TACR1: variants seen among roughly 807,000 people sequenced by gnomAD.
TACR1 encodes substance-P receptor.
A neutral mutation model predicts 35.8 loss-of-function variants in TACR1; 25 were observed. The ratio of observed to expected loss-of-function variants is 0.70; its 90% CI spans 0.51 to 0.98. The LOEUF (loss-of-function observed/expected upper bound fraction) is 0.98, where lower values mean the gene tolerates loss of function less well. Ranked by LOEUF, TACR1 falls within the 50% of genes least tolerant of loss-of-function variation. The probability of loss-of-function intolerance (pLI) is 0.00; values close to 1 mark genes in which losing one functional copy is unlikely to be tolerated. For missense variants in TACR1, 478 were observed against 522.9 expected (o/e 0.91, Z 0.84); for synonymous variants, 195 against 206.7 (o/e 0.94, Z 0.48).
intron 1 of TACR1, chr2:75,187,228 A>G (rs932490281): frequency 6.6e-6 from 1 of 152,258 alleles, no homozygotes; most frequent in Non-Finnish European, 1.5e-5. Flanking sequence ...CAAAACAATT[A>G]GTGACTTATA....
intron 1 of TACR1, among the ~76,000 whole-genome samples, chr2:75,190,536 C>T (rs981259241): frequency 6.6e-6 from 1 of 152,172 alleles, no homozygotes; most frequent in African/African-American, 2.4e-5. Context: ...CAAGAATGGA[C>T]ACGTATAATG....
chr2:75,153,969 C>T (rs1225944242), intron 1 of TACR1, among the ~76,000 whole-genome samples: 2 of 152,138 alleles, frequency 1.3e-5, no homozygotes, highest in Admixed American at 6.5e-5. Context: ...GAGGTCTCTC[C>T]ATGAGGCCAT....
chr2:75,097,685 A>G (rs995431816), intron 2 of TACR1, among the ~76,000 whole-genome samples: 2 of 152,136 alleles, frequency 1.3e-5, no homozygotes, highest in Non-Finnish European at 2.9e-5. Flanking sequence ...GGGTCACCCA[A>G]ACTTGAGGCA....
chr2:75,123,086 C>CG (rs1240503894), intron 1 of TACR1, among the ~76,000 whole-genome samples: 1 of 148,898 alleles, frequency 6.7e-6, no homozygotes, highest in Non-Finnish European at 1.5e-5. Context: ...GGGCTGGACC[C>CG]AGATGGTCAT....
intron 1 of TACR1, among the ~76,000 whole-genome samples, chr2:75,174,808 T>C (rs1675373779): frequency 6.6e-6 from 1 of 152,184 alleles, no homozygotes; most frequent in Non-Finnish European, 1.5e-5. Context: ...GGTTGGGGAT[T>C]TCATTAAAGA....
Position 75,198,945 on chromosome 2 carries a change from G to C in TACR1, c.-11C>G. On this transcript the variant is annotated 5_prime_UTR_variant, in exon 1 of 5. Transcript: ENST00000305249. ...GAGGACGTTATCCATTTCGAAGCTA[G>C]GCGGTAAAGCCCTACTATCTGTACA... 1 of 1,611,672 alleles carries C rather than the reference G, an allele frequency of 6.2e-7. No individual in the cohort carries two copies. The highest frequency in any genetic ancestry group is 8.5e-7 in the Non-Finnish European group (1 of 1,179,406).
At chr2:75,136,734 C>CA (rs1313361937) in intron 1 of TACR1, among the ~76,000 whole-genome samples, 1 of 152,132 alleles carries the variant, frequency 6.6e-6, no homozygotes, top group African/African-American at 2.4e-5. Flanking sequence ...TCAAATAAGA[C>CA]AAAAGTTAAG....
intron 1 of TACR1, among the ~76,000 whole-genome samples, chr2:75,171,488 C>T (rs1463087085): frequency 2.6e-5 from 4 of 152,188 alleles, no homozygotes; most frequent in Admixed American, 6.5e-5. Flanking sequence ...CACTGGGGCA[C>T]TGCCTAGTGG....
chr2:75,073,113 A>G (rs1558543484), intron 2 of TACR1, among the ~76,000 whole-genome samples: 2 of 152,230 alleles, frequency 1.3e-5, no homozygotes, highest in Non-Finnish European at 2.9e-5. Context: ...ACTCACAGGA[A>G]TAGGGACCCG....
intron 2 of TACR1, among the ~76,000 whole-genome samples, chr2:75,086,668 A>G (rs1307554776): frequency 6.6e-6 from 1 of 152,150 alleles, no homozygotes; most frequent in Non-Finnish European, 1.5e-5. Flanking sequence ...AGTGTAGGGG[A>G]AGGATGGATA....
In TACR1 at chr2:75,160,053, G is replaced by A. The variant is rs893283672; in HGVS notation, c.389+38493C>T. On this transcript the variant is annotated intron_variant, in intron 1 of 4. Coordinates refer to ENST00000305249, the MANE Select transcript of TACR1 (RefSeq NM_001058.4). ...CAAGACTTTAAGACAGCAAAAGATG[G>A]GCTGGAAAGTAAGAATATCAAACAA... 5.3e-5 allele frequency among the ~76,000 whole-genome samples: 8 copies of A among 152,048 alleles called. No individual in the cohort carries two copies. The East Asian group carries it at 1.5e-3, about 29-fold the overall frequency.
At chr2:75,062,636 T>G (rs1368929409) in intron 2 of TACR1, among the ~76,000 whole-genome samples, 1 of 152,226 alleles carries the variant, frequency 6.6e-6, no homozygotes, top group African/African-American at 2.4e-5. Flanking sequence ...CAAATATGTG[T>G]TGTTGCTCCC....
At chr2:75,105,817 A>G (rs762344507) in intron 2 of TACR1, among the ~76,000 whole-genome samples, 44 of 151,942 alleles carry the variant, frequency 2.9e-4, no homozygotes, top group Non-Finnish European at 1.8e-4. Context: ...AAAAATTCCA[A>G]CTGAGGGATC....
chr2:75,184,062 G>A (rs1675624519), intron 1 of TACR1, among the ~76,000 whole-genome samples: 1 of 152,134 alleles, frequency 6.6e-6, no homozygotes. Flanking sequence ...TAAAGCTTAT[G>A]TAAGTTGTAT....
intron 2 of TACR1, among the ~76,000 whole-genome samples, chr2:75,074,628 T>C (rs79673665): frequency 0.027 from 4,091 of 152,204 alleles, 64 homozygotes; most frequent in Non-Finnish European, 0.042. Flanking sequence ...TCTTTTAAAG[T>C]GAGAAAACTC....
intron 1 of TACR1, among the ~76,000 whole-genome samples, chr2:75,183,115 A>G (rs546349892): frequency 2.6e-4 from 39 of 152,338 alleles, no homozygotes; most frequent in African/African-American, 9.1e-4. Context: ...AGTGTGTTCA[A>G]TGTCAGTAGA....
intron 1 of TACR1, among the ~76,000 whole-genome samples, chr2:75,183,700 G>A (rs978849240): frequency 7.9e-5 from 12 of 152,164 alleles, no homozygotes; most frequent in African/African-American, 2.9e-4. Context: ...AGGAGTACAC[G>A]GCTGGGTTTC....
intron 1 of TACR1, among the ~76,000 whole-genome samples, chr2:75,155,859 C>G (rs566800525): frequency 9.8e-4 from 149 of 152,338 alleles, no homozygotes; most frequent in Non-Finnish European, 1.6e-3. Flanking sequence ...AGGATATATT[C>G]TATTATTCTA....
chr2:75,095,720 A>C (rs1165266541), intron 2 of TACR1, among the ~76,000 whole-genome samples: 1 of 152,096 alleles, frequency 6.6e-6, no homozygotes, highest in Non-Finnish European at 1.5e-5. Flanking sequence ...ACTGGTCTTC[A>C]TTATAGTTAG....
Sources: gnomAD v4.1 joint callset for allele counts (sites outside exome capture counted in the v4.1 genomes callset) on GRCh38, gnomAD v4.1.1 for gene constraint, MANE v1.5 for transcripts, NCBI Gene and HGNC (gene_info 2026-07-23, HGNC 2026-07-21) for gene names.